SP100: variants seen among roughly 807,000 people sequenced by gnomAD.
SP100 encodes the protein nuclear autoantigen Sp-100.
SP100 carries 84 observed loss-of-function variants against 130.0 expected under a neutral mutation model. The ratio of observed to expected loss-of-function variants is 0.65; its 90% confidence interval spans 0.54 to 0.77. SP100 has a LOEUF of 0.77. SP100 is among the 30% of genes least tolerant of loss of function. The pLI is 0.00. For missense variants in SP100, 978 were observed against 1,052.2 expected, an observed-to-expected ratio of 0.93 and a Z score of 0.97; for synonymous variants, 331 against 351.7, an observed-to-expected ratio of 0.94 and a Z score of 0.66.
intron 24 of SP100, among the ~76,000 whole-genome samples, chr2:230,528,287 C>G (rs1463189277): frequency 1.3e-5 from 2 of 152,198 alleles, no homozygotes; most frequent in Non-Finnish European, 2.9e-5. Flanking sequence ...CTCAAAACTG[C>G]ACAACTACAT....
intron 17 of SP100, among the ~76,000 whole-genome samples, chr2:230,478,035 A>C (rs2065653768): frequency 6.6e-6 from 1 of 152,014 alleles, no homozygotes; most frequent in Non-Finnish European, 1.5e-5. Context: ...ATGTTCTTCC[A>C]CTAAAAATTT....
rs538825170 is a variant in SP100, at chr2:230,417,248, T to C, written c.33-343T>C. Among the ~76,000 whole-genome samples, 28 of 152,300 alleles carry C rather than the reference T, an allele frequency of 1.8e-4. No individual in the cohort carries two copies. The East Asian group carries it at 4.6e-3, about 25-fold the overall frequency. ...ATTTATGTTCTTGATTTATAATAAA[T>C]TATATTACATGTGCTAGTCTGCATT... On this transcript the variant is annotated intron_variant, in intron 1 of 28. Coordinates refer to ENST00000340126, the MANE Select transcript of SP100 (RefSeq NM_001080391.2).
At chr2:230,481,575 GTC>G (rs1346347042) in intron 17 of SP100, among the ~76,000 whole-genome samples, 2 of 152,154 alleles carry the variant, frequency 1.3e-5, no homozygotes, top group Admixed American at 6.5e-5. Context: ...CTCCTAAATG[GTC>G]TCTCTGCTTT....
At chr2:230,450,503 C>T (rs1212395795) in intron 8 of SP100, among the ~76,000 whole-genome samples, 1 of 151,960 alleles carries the variant, frequency 6.6e-6, no homozygotes, top group Non-Finnish European at 1.5e-5. Context: ...AACACAAAAC[C>T]TATTCTCTCA....
At chr2:230,479,381 A>G (rs1234899371) in intron 17 of SP100, among the ~76,000 whole-genome samples, 1 of 152,160 alleles carries the variant, frequency 6.6e-6, no homozygotes, top group Non-Finnish European at 1.5e-5. Context: ...TACTTTCTGC[A>G]TTTTATTTTC....
intron 24 of SP100, among the ~76,000 whole-genome samples, chr2:230,526,773 C>T (rs1042257614): frequency 5.3e-5 from 8 of 151,988 alleles, no homozygotes; most frequent in East Asian, 1.9e-4. Flanking sequence ...AACTTCATGA[C>T]GCACGCACAA....
At chr2:230,439,504 G>T (rs1341529909) in intron 2 of SP100, among the ~76,000 whole-genome samples, 2 of 152,086 alleles carry the variant, frequency 1.3e-5, no homozygotes, top group Non-Finnish European at 2.9e-5. Flanking sequence ...TCCTCATAGA[G>T]ATCTTTCACC....
At chr2:230,453,700 T>A (rs567372898) in intron 8 of SP100, among the ~76,000 whole-genome samples, 2 of 152,304 alleles carry the variant, frequency 1.3e-5, no homozygotes, top group Admixed American at 6.5e-5. Context: ...CTGAATTTGA[T>A]AGTATTTTAT....
At chr2:230,453,067 A>C (rs1399161664) in intron 8 of SP100, among the ~76,000 whole-genome samples, 1 of 152,170 alleles carries the variant, frequency 6.6e-6, no homozygotes, top group African/African-American at 2.4e-5. Context: ...AAAGGGGTTT[A>C]ATTGACTCAA....
intron 2 of SP100, among the ~76,000 whole-genome samples, chr2:230,430,495 C>T (rs1443915625): frequency 6.6e-6 from 1 of 152,188 alleles, no homozygotes; most frequent in African/African-American, 2.4e-5. Flanking sequence ...ACCAGGTGCC[C>T]AGGTTCAGTG....
At chr2:230,471,785 T>C (rs569900997) in intron 15 of SP100, among the ~76,000 whole-genome samples, 2 of 152,150 alleles carry the variant, frequency 1.3e-5, no homozygotes, top group African/African-American at 4.8e-5. Flanking sequence ...TGGAGAAAGG[T>C]AGGCTAGAGT....
Position 230,459,818 on chromosome 2 carries a change from G to A in SP100, c.821-1444G>A, listed in dbSNP as rs532905890. On this transcript the variant is annotated intron_variant, in intron 8 of 28. Transcript: ENST00000340126. ...TTGCTCCTCTCAAGTCTGCACTTCA[G>A]TTGAATGGACTTTTCCAAAATAGAA... 1.1e-4 allele frequency among the ~76,000 whole-genome samples: 17 copies of A among 152,304 alleles called. 1 individual carries two copies. In the Middle Eastern group the frequency reaches 0.01, roughly 91 times the overall value.
chr2:230,421,945 A>G (rs997314721), intron 2 of SP100, among the ~76,000 whole-genome samples: 1 of 151,720 alleles, frequency 6.6e-6, no homozygotes, highest in Non-Finnish European at 1.5e-5. Flanking sequence ...CTTCTGCTTT[A>G]TCTCTCTCTT....
intron 17 of SP100, among the ~76,000 whole-genome samples, chr2:230,487,365 G>T (rs1205303838): frequency 6.6e-6 from 1 of 152,122 alleles, no homozygotes; most frequent in Non-Finnish European, 1.5e-5. Context: ...ATAAGCAAGG[G>T]GTCCAGTTTC....
At chr2:230,426,967 C>T (rs1258081674) in intron 2 of SP100, among the ~76,000 whole-genome samples, 2 of 152,136 alleles carry the variant, frequency 1.3e-5, no homozygotes, top group South Asian at 2.1e-4. Context: ...GTTGTATCCT[C>T]TTGATGAACT....
chr2:230,417,751 T>C (rs894541683), intron 2 of SP100, 86 bp downstream of exon 2: 39 of 1,529,218 alleles, frequency 2.6e-5, no homozygotes, highest in South Asian at 1.9e-4. Flanking sequence ...TTCTTGGCCA[T>C]TTAAATTCCC....
At chr2:230,456,235 A>C (rs1473726119) in intron 8 of SP100, among the ~76,000 whole-genome samples, 1 of 152,072 alleles carries the variant, frequency 6.6e-6, no homozygotes, top group Non-Finnish European at 1.5e-5. Context: ...GTTTCATCTC[A>C]TTCTCTCCTT....
In SP100 at chr2:230,461,422, T is replaced by C. The variant is rs767968160; in HGVS notation, c.973+8T>C. 5.0e-6 allele frequency: 8 copies of C among 1,613,754 alleles called. No homozygotes were observed. In the East Asian group the frequency reaches 8.9e-5, roughly 18 times the overall value. Reference sequence around the variant, plus strand: ...AGGCATCTGACATAATAGGTAAGGCTGACTGGGAGAGTTTGTAACTGTGAG... The same window carrying C: ...AGGCATCTGACATAATAGGTAAGGCCGACTGGGAGAGTTTGTAACTGTGAG... On this transcript the variant is annotated splice_region_variant and intron_variant, in intron 9 of 28. Transcript: ENST00000340126.
chr2:230,530,923 A>G (rs6718822), intron 24 of SP100, among the ~76,000 whole-genome samples: 4,353 of 152,254 alleles, frequency 0.029, 199 homozygotes, highest in African/African-American at 0.099. Context: ...GAAACAACAG[A>G]TGCTGGAAAG....
Sources: allele counts gnomAD v4.1 joint callset (sites outside exome capture counted in the v4.1 genomes callset), GRCh38; gene constraint gnomAD v4.1.1; transcripts MANE v1.5; gene names NCBI Gene and HGNC (gene_info 2026-07-23, HGNC 2026-07-21).